CELA3A: variants seen among roughly 807,000 people sequenced by gnomAD.
CELA3A encodes the protein chymotrypsin-like elastase family member 3A.
In CELA3A, 35 loss-of-function variants were observed where a neutral mutation model predicts 38.6. That is an observed-to-expected ratio of 0.91 (90% CI 0.69 to 1.20). The LOEUF (loss-of-function observed/expected upper bound fraction) is 1.20. Among genes scored for constraint, CELA3A ranks in the 50% most tolerant of loss-of-function variants. The probability of loss-of-function intolerance (pLI) is 0.00; values close to 1 mark genes in which losing one functional copy is unlikely to be tolerated. For synonymous variants in CELA3A, 143 were observed against 136.7 expected, an observed-to-expected ratio of 1.05 and a Z score of -0.32; for missense variants, 343 against 354.2, an observed-to-expected ratio of 0.97 and a Z score of 0.25.
chr1:22,007,631 G>A (rs1255111916), intron 6 of CELA3A, 116 bp downstream of exon 6: 7 of 1,468,422 alleles, frequency 4.8e-6, no homozygotes, highest in Non-Finnish European at 5.5e-6. Flanking sequence ...CAGCCTCCAG[G>A]CCAGGCAGGA....
intron 2 of CELA3A, 55 bp from the exon 3 acceptor site, chr1:22,005,392 G>A: frequency 1.3e-6 from 2 of 1,598,722 alleles, no homozygotes; most frequent in Non-Finnish European, 1.7e-6. Context: ...GCCATTGGTG[G>A]CAACTCTCAT....
intron 7 of CELA3A, among the ~76,000 whole-genome samples, 187 bp from the exon 8 acceptor site, chr1:22,012,263 T>C (rs1644987247): frequency 7.9e-6 from 1 of 125,958 alleles, no homozygotes; most frequent in Non-Finnish European, 1.6e-5. Flanking sequence ...TAGTTAACAA[T>C]TTAATCAAGA....
intron 4 of CELA3A, 138 bp downstream of exon 4, chr1:22,005,934 G>C (rs1644947478): frequency 1.3e-6 from 2 of 1,529,806 alleles, no homozygotes. Flanking sequence ...GCTGAGTCCA[G>C]CAGCCTGTGC....
intron 1 of CELA3A, 70 bp downstream of exon 1, chr1:22,001,787 G>T: frequency 6.3e-7 from 1 of 1,585,202 alleles, no homozygotes; most frequent in South Asian, 1.1e-5. Flanking sequence ...TCTACCACTC[G>T]CTCTGAGTCC....
intron 2 of CELA3A, 151 bp downstream of exon 2, chr1:22,003,239 G>A (rs41302021): frequency 0.27 from 226,817 of 831,516 alleles, 35,992 homozygotes; most frequent in East Asian, 0.56. Context: ...TCTACTTCAC[G>A]GGGAGGTTTT....
intron 2 of CELA3A, among the ~76,000 whole-genome samples, chr1:22,004,086 T>A (rs1238984991): frequency 6.7e-6 from 1 of 148,760 alleles, no homozygotes; most frequent in African/African-American, 2.5e-5. Context: ...TTTTTTTTTT[T>A]TTTGAGACAG....
chr1:22,005,405 T>C (rs1459752095), intron 2 of CELA3A, 42 bp from the exon 3 acceptor site: 1 of 1,606,094 alleles, frequency 6.2e-7, no homozygotes, highest in Non-Finnish European at 8.5e-7. Flanking sequence ...ACTCTCATGG[T>C]GGGGCCCAGC....
intron 7 of CELA3A, among the ~76,000 whole-genome samples, chr1:22,011,821 G>A (rs1252874536): frequency 8.0e-6 from 1 of 125,522 alleles, no homozygotes; most frequent in Admixed American, 9.0e-5. Flanking sequence ...TTGGGAGGCC[G>A]AGGTGGGCAG....
chr1:22,011,634 G>T lies in CELA3A; in HGVS notation c.796-816G>T, dbSNP rs1259415072. Among the ~76,000 whole-genome samples, 4 of 124,802 alleles carry T rather than the reference G, an allele frequency of 3.2e-5. 2 individuals carry two copies. The Admixed American group carries it at 3.6e-4, about 11-fold the overall frequency. The allele number at this position is 124,802 out of a possible 152,430, so 81.9% of individuals were successfully genotyped here. ...AATTGGCCAGGCGTGGTAGTGCGTC[G>T]CTGTAATCTCAGCTACTTGGGAGGT... is the stretch of plus-strand genomic sequence containing the variant. On this transcript the variant is annotated intron_variant, in intron 7 of 7. Coordinates refer to ENST00000290122, the MANE Select transcript of CELA3A (RefSeq NM_005747.5).
chr1:22,006,852 C>T lies in CELA3A; in HGVS notation c.363-26C>T, dbSNP rs768232448. The T allele has an allele frequency of 3.4e-4, 541 of 1,608,594 alleles. 17 individuals carry two copies. The highest frequency in any genetic ancestry group is 4.5e-4 in the Non-Finnish European group (529 of 1,177,034). On this transcript the variant is annotated intron_variant, in intron 4 of 7. Transcript: ENST00000290122. ...GACTTGGGCCGGCTGGAGGACCAGGCCCCGTGACTGTTCCCTCCTCCCCAG... is the reference window on the plus strand; with the variant it reads ...GACTTGGGCCGGCTGGAGGACCAGGTCCCGTGACTGTTCCCTCCTCCCCAG...
At chr1:22,001,844 C>G (rs531005131) in intron 1 of CELA3A, 127 bp downstream of exon 1, 25 of 1,348,478 alleles carry the variant, frequency 1.9e-5, no homozygotes, top group Non-Finnish European at 9.5e-6. Flanking sequence ...TCAGCTTGTA[C>G]CCGGGGGCAT....
At position 22,011,535 on chromosome 1, in the gene CELA3A, T is replaced by G. The variant is rs1194535067; in HGVS notation, c.796-915T>G. Among the ~76,000 whole-genome samples the G allele has an allele frequency of 2.4e-5, 3 of 122,784 alleles. 1 individual carries two copies. Among genetic ancestry groups the G allele is most frequent in the African/African-American group, 1.0e-4 (3 of 29,854 alleles). 80.6% of individuals were successfully genotyped at this position (122,784 alleles called of 152,430 possible). A position where few individuals can be genotyped will look rare whatever the true frequency, so the allele number is the denominator to read the frequency against. On this transcript the variant is annotated intron_variant, in intron 7 of 7. Coordinates refer to ENST00000290122, the MANE Select transcript of CELA3A (RefSeq NM_005747.5). Reference sequence around the variant, plus strand: ...AAGCACTTTGGTAGGCCAAGGCAGGTGGATCACAAGGTCAGGAGTTCGAGA... The same window carrying G: ...AAGCACTTTGGTAGGCCAAGGCAGGGGGATCACAAGGTCAGGAGTTCGAGA...
Position 22,007,395 on chromosome 1 carries a change from G to T in CELA3A, c.522G>T (p.Lys174Asn), listed in dbSNP as rs1644957648. ...RLYTNGPLPDKLQQARLPVVD... is the reference protein window; with the variant it reads ...RLYTNGPLPDNLQQARLPVVD... ...CAGCCAATGGGCCACTCCCAGACAAGCTGCAGCAGGCCCGGCTGCCCGTGG... is the reference window on the plus strand; with the variant it reads ...CAGCCAATGGGCCACTCCCAGACAATCTGCAGCAGGCCCGGCTGCCCGTGG... Residue 174 changes from lysine to asparagine, a missense_variant, in exon 6 of 8, where the codon AAG (lysine) becomes AAT (asparagine). Transcript: ENST00000290122. The T allele has an allele frequency of 1.9e-6, 3 of 1,611,928 alleles. No individual in the cohort carries two copies. Among genetic ancestry groups the T allele is most frequent in the Non-Finnish European group, 1.7e-6 (2 of 1,179,182 alleles).
In CELA3A at chr1:22,009,779, T is replaced by G. The variant is rs765084019; in HGVS notation, c.717T>G (p.Val239=). The G allele has an allele frequency of 8.7e-6, 14 of 1,612,076 alleles. No homozygotes were observed. The South Asian group carries it at 1.3e-4, about 15-fold the overall frequency. ...GWQVHGVTSF[V]SAFGCNFIWK... ...AGGTCCACGGTGTGACCAGCTTTGTTTCTGCCTTTGGCTGCAACTTCATCT... is the reference window on the plus strand; with the variant it reads ...AGGTCCACGGTGTGACCAGCTTTGTGTCTGCCTTTGGCTGCAACTTCATCT... The change falls in exon 7 of 8, where the codon GTT becomes GTG. Residue 239 remains valine, a synonymous_variant. Coordinates refer to ENST00000290122, the MANE Select transcript of CELA3A (RefSeq NM_005747.5).
Position 22,011,631 on chromosome 1 carries a change from G to A in CELA3A, c.796-819G>A, listed in dbSNP as rs1354950879. On this transcript the variant is annotated intron_variant, in intron 7 of 7. Coordinates refer to ENST00000290122, the MANE Select transcript of CELA3A (RefSeq NM_005747.5). ...AAAAATTGGCCAGGCGTGGTAGTGCGTCGCTGTAATCTCAGCTACTTGGGA... is the reference window on the plus strand; with the variant it reads ...AAAAATTGGCCAGGCGTGGTAGTGCATCGCTGTAATCTCAGCTACTTGGGA... Among the ~76,000 whole-genome samples the A allele has an allele frequency of 2.4e-5, 3 of 125,422 alleles. 1 individual carries two copies. Among genetic ancestry groups the A allele is most frequent in the South Asian group, 2.5e-4 (1 of 4,074 alleles). 82.3% of individuals were successfully genotyped at this position (125,422 alleles called of 152,430 possible).
chr1:22,005,420 T>A, intron 2 of CELA3A, 27 bp from the exon 3 acceptor site: 1 of 1,610,198 alleles, frequency 6.2e-7, no homozygotes, highest in East Asian at 2.2e-5. Context: ...CCCAGCCCAC[T>A]GAGGCCCTTT....
intron 2 of CELA3A, among the ~76,000 whole-genome samples, chr1:22,003,549 C>G (rs1310703196): frequency 6.6e-6 from 1 of 150,682 alleles, no homozygotes; most frequent in Non-Finnish European, 1.5e-5. Context: ...GGTGCGGTGG[C>G]TCACGCCTGT....
intron 5 of CELA3A, 67 bp from the exon 6 acceptor site, chr1:22,007,306 C>T (rs1235773158): frequency 4.5e-6 from 7 of 1,540,504 alleles, no homozygotes; most frequent in Middle Eastern, 1.7e-4. Context: ...CCTTGAATGC[C>T]CCCTTCCTCT....
At chr1:22,002,202 T>A (rs936716393) in intron 1 of CELA3A, among the ~76,000 whole-genome samples, 1 of 151,246 alleles carries the variant, frequency 6.6e-6, no homozygotes, top group African/African-American at 2.5e-5. Flanking sequence ...GTGCTTACTA[T>A]GCCAGGCAGA....
Sources: allele counts gnomAD v4.1 joint callset (sites outside exome capture counted in the v4.1 genomes callset), GRCh38; gene constraint gnomAD v4.1.1; transcripts MANE v1.5; gene names NCBI Gene and HGNC (gene_info 2026-07-23, HGNC 2026-07-21).